The following ALLC variants were observed in gnomAD, a reference collection of about 807,000 sequenced individuals.
The protein encoded by ALLC is allantoicase, also known as probable inactive allantoicase.
In ALLC, 40 loss-of-function variants were observed where a neutral mutation model predicts 45.0. The observed-to-expected ratio is 0.89, with a 90% confidence interval of 0.69 to 1.16. The LOEUF is 1.16. ALLC is among the 50% of genes most tolerant of loss of function. The pLI is 0.00. For missense variants in ALLC, 488 were observed against 493.1 expected (o/e 0.99, Z 0.10); for synonymous variants, 176 against 178.1 (o/e 0.99, Z 0.09).
At chr2:3,702,175 C>T (rs1667867777) in intron 11 of ALLC, among the ~76,000 whole-genome samples, 188 bp from the exon 12 acceptor site, 1 of 152,164 alleles carries the variant, frequency 6.6e-6, no homozygotes, top group Non-Finnish European at 1.5e-5. Flanking sequence ...CCTGCTTATT[C>T]ATGTATTATT....
chr2:3,669,443 C>T (rs549939665), intron 1 of ALLC, among the ~76,000 whole-genome samples: 2 of 152,130 alleles, frequency 1.3e-5, no homozygotes, highest in East Asian at 1.9e-4. Context: ...CGCTGCACTC[C>T]AGCCTGGGTA....
intron 10 of ALLC, among the ~76,000 whole-genome samples, chr2:3,699,127 T>C (rs1667758510): frequency 1.3e-5 from 2 of 152,356 alleles, no homozygotes; most frequent in Middle Eastern, 3.4e-3. Flanking sequence ...TTTTATCACG[T>C]AGGTATCAAG....
At chr2:3,664,187 T>G (rs975815755) in intron 1 of ALLC, among the ~76,000 whole-genome samples, 2 of 152,162 alleles carry the variant, frequency 1.3e-5, no homozygotes, top group Non-Finnish European at 2.9e-5. Flanking sequence ...GTGGCTGAAT[T>G]TTATACCCCT....
intron 7 of ALLC, among the ~76,000 whole-genome samples, chr2:3,684,564 AC>A (rs1224864269): frequency 6.6e-6 from 1 of 151,312 alleles, no homozygotes; most frequent in Non-Finnish European, 1.5e-5. Context: ...GTTATCCCTC[AC>A]CCCCCACCCT....
intron 7 of ALLC, among the ~76,000 whole-genome samples, chr2:3,683,640 A>G (rs1328952757): frequency 2.0e-5 from 3 of 152,206 alleles, no homozygotes; most frequent in Admixed American, 2.0e-4. Flanking sequence ...AGTAGGAATT[A>G]TATAATATTG....
At chr2:3,666,506 C>G (rs1666728616) in intron 1 of ALLC, among the ~76,000 whole-genome samples, 2 of 151,916 alleles carry the variant, frequency 1.3e-5, no homozygotes, top group South Asian at 4.2e-4. Context: ...GTAACCCGCC[C>G]ACGCTGCAGC....
chr2:3,656,375 G>A (rs2147987730), upstream of ALLC, among the ~76,000 whole-genome samples: 1 of 152,254 alleles, frequency 6.6e-6, no homozygotes, highest in South Asian at 2.1e-4. Flanking sequence ...TTCTCCTCCC[G>A]CCCCACAGAT....
chr2:3,698,260 G>A (rs1667735008), intron 10 of ALLC, among the ~76,000 whole-genome samples: 1 of 152,174 alleles, frequency 6.6e-6, no homozygotes, highest in Non-Finnish European at 1.5e-5. Flanking sequence ...ACCATGCCCA[G>A]CCAACCCTTT....
At chr2:3,673,117 C>G (rs35482526) in intron 2 of ALLC, among the ~76,000 whole-genome samples, 30,108 of 151,762 alleles carry the variant, frequency 0.2, 3,138 homozygotes, top group African/African-American at 0.21. Flanking sequence ...TGGAGAGCAG[C>G]TGGCGGGCAG....
intron 7 of ALLC, among the ~76,000 whole-genome samples, chr2:3,690,922 T>C (rs902305606): frequency 6.6e-6 from 1 of 151,784 alleles, no homozygotes; most frequent in Admixed American, 6.6e-5. Context: ...GTGGGTTTTA[T>C]AAATTCAAAT....
At chr2:3,657,983 G>A (rs1666479314), upstream of ALLC, among the ~76,000 whole-genome samples, 1 of 152,260 alleles carries the variant, frequency 6.6e-6, no homozygotes, top group South Asian at 2.1e-4. Context: ...CCAGGCCAGT[G>A]GCCGGAGGCA....
At chr2:3,669,633 G>C (rs536670916) in intron 1 of ALLC, among the ~76,000 whole-genome samples, 1 of 152,186 alleles carries the variant, frequency 6.6e-6, no homozygotes, top group Non-Finnish European at 1.5e-5. Context: ...GGGTGACAGA[G>C]GGAGACTCCA....
intron 7 of ALLC, among the ~76,000 whole-genome samples, chr2:3,693,690 T>G (rs1377175945): frequency 6.6e-6 from 1 of 152,332 alleles, no homozygotes; most frequent in African/African-American, 2.4e-5. Context: ...GACAGAGTCC[T>G]TGTCCTTATG....
intron 6 of ALLC, among the ~76,000 whole-genome samples, chr2:3,682,402 C>G (rs35857756): frequency 0.013 from 1,914 of 152,290 alleles, 30 homozygotes; most frequent in African/African-American, 0.04. Context: ...GCCACCATCA[C>G]CCACTGGCTG....
At chr2:3,650,916 C>T in the ALLC span, among the ~76,000 whole-genome samples, 1 of 152,188 alleles carries the variant, frequency 6.6e-6, no homozygotes, top group African/African-American at 2.4e-5. Flanking sequence ...AAACACTGGG[C>T]CTGAAGTCAG....
chr2:3,678,654 A>G lies in ALLC; in HGVS notation c.172+99A>G, dbSNP rs13420871. ...GTGTCCGTTTTGGGTCAGCTTTAACATGGGGCCCTGGAATGCTCTGTAATC... is the reference window on the plus strand; with the variant it reads ...GTGTCCGTTTTGGGTCAGCTTTAACGTGGGGCCCTGGAATGCTCTGTAATC... On this transcript the variant is annotated intron_variant, in intron 4 of 11. Transcript: ENST00000252505. 8.3e-3 allele frequency: 7,535 copies of G among 906,570 alleles called. 376 individuals carry two copies. In the African/African-American group the frequency reaches 0.11, roughly 13 times the overall value. 56.2% of individuals were successfully genotyped at this position (906,570 alleles called of 1,614,324 possible). A position where few individuals can be genotyped will look rare whatever the true frequency, so the allele number is the denominator to read the frequency against.
At chr2:3,686,638 C>T (rs561599942) in intron 7 of ALLC, among the ~76,000 whole-genome samples, 3 of 150,700 alleles carry the variant, frequency 2.0e-5, no homozygotes, top group African/African-American at 7.2e-5. Context: ...TATAGTTTTC[C>T]TTGTATAGCT....
chr2:3,649,957 CT>C, the ALLC span, among the ~76,000 whole-genome samples: 1 of 152,240 alleles, frequency 6.6e-6, no homozygotes, highest in African/African-American at 2.4e-5. Context: ...CTGCCCGTAG[CT>C]TCCCCAGCTA....
chr2:3,655,032 G>A (rs570293743), upstream of ALLC, among the ~76,000 whole-genome samples: 4 of 152,242 alleles, frequency 2.6e-5, no homozygotes, highest in Non-Finnish European at 5.9e-5. Flanking sequence ...CGAGGTGTCC[G>A]TGGGCTACTC....
Sources: gnomAD v4.1 joint callset for allele counts (sites outside exome capture counted in the v4.1 genomes callset) on GRCh38, gnomAD v4.1.1 for gene constraint, MANE v1.5 for transcripts, NCBI Gene and HGNC (gene_info 2026-07-23, HGNC 2026-07-21) for gene names.